CEMIP: variants seen among roughly 807,000 people sequenced by gnomAD.
The protein encoded by CEMIP is cell migration inducing hyaluronidase 1.
A neutral mutation model predicts 156.9 loss-of-function variants in CEMIP; 105 were observed. The observed-to-expected ratio is 0.67, with a 90% CI of 0.57 to 0.79. CEMIP has a LOEUF of 0.79. Ranked by LOEUF, CEMIP falls within the 30% of genes least tolerant of loss-of-function variation. The pLI is 0.00. For missense variants in CEMIP, 1,457 were observed against 1,769.4 expected, an observed-to-expected ratio of 0.82 and a Z score of 3.17; for synonymous variants, 676 against 668.4, an observed-to-expected ratio of 1.01 and a Z score of -0.17.
At chr15:80,834,964 AAG>A (rs1897238927) in intron 1 of CEMIP, among the ~76,000 whole-genome samples, 1 of 152,238 alleles carries the variant, frequency 6.6e-6, no homozygotes, top group South Asian at 2.1e-4. Context: ...CTTTAAAAAA[AAG>A]AGCATGTGGC....
chr15:80,873,095 CACTTCT>C (rs1004686668), intron 1 of CEMIP, among the ~76,000 whole-genome samples: 7 of 152,206 alleles, frequency 4.6e-5, no homozygotes, highest in Non-Finnish European at 1.0e-4. Context: ...TCAAACACTA[CACTTCT>C]GCTATATTGG....
rs145165361 is a variant in CEMIP at position 80,861,386 on chromosome 15, G to T, written c.-175-12152G>T. ...CAGACTCCTTAACTTTGCACTGAAG[G>T]TGCTTCATGAATGAACCCTGCACTA... On this transcript the variant is annotated intron_variant, in intron 1 of 29. Transcript: ENST00000394685. Among the ~76,000 whole-genome samples the T allele has an allele frequency of 3.3e-4, 50 of 152,280 alleles. No homozygotes were observed. In the South Asian group the frequency reaches 5.6e-3, roughly 17 times the overall value.
At chr15:80,807,511 C>T (rs1390651227) in intron 1 of CEMIP, among the ~76,000 whole-genome samples, 1 of 152,176 alleles carries the variant, frequency 6.6e-6, no homozygotes, top group Non-Finnish European at 1.5e-5. Flanking sequence ...AGACATGAGC[C>T]ACCACACCTG....
chr15:80,892,773 T>C (rs1403268568), intron 10 of CEMIP, among the ~76,000 whole-genome samples: 1 of 152,260 alleles, frequency 6.6e-6, no homozygotes, highest in African/African-American at 2.4e-5. Flanking sequence ...TGTTACTTAG[T>C]GTCTCGTTTC....
chr15:80,829,965 G>GGGGTGTGTGT (rs1555428874), intron 1 of CEMIP, among the ~76,000 whole-genome samples: 1 of 133,710 alleles, frequency 7.5e-6, no homozygotes. Flanking sequence ...GGAGGTAGCG[G>GGGGTGTGTGT]GTGTGTGTGT....
chr15:80,842,154 T>C, intron 1 of CEMIP: 1 of 497,280 alleles, frequency 2.0e-6, no homozygotes, highest in Non-Finnish European at 4.0e-6. Context: ...GTACCATTTG[T>C]ACGTGTATTA....
chr15:80,934,097 G>A (rs1275678712), intron 23 of CEMIP, among the ~76,000 whole-genome samples: 4 of 152,094 alleles, frequency 2.6e-5, no homozygotes, highest in East Asian at 1.9e-4. Flanking sequence ...CAAGGGAAGT[G>A]TAGTCCTACT....
chr15:80,854,489 C>G (rs191488675), intron 1 of CEMIP, among the ~76,000 whole-genome samples: 1 of 152,356 alleles, frequency 6.6e-6, no homozygotes, highest in African/African-American at 2.4e-5. Context: ...GCCTGGTGTC[C>G]TGACTTCTCA....
chr15:80,854,263 G>A (rs1897787693), intron 1 of CEMIP, among the ~76,000 whole-genome samples: 1 of 152,276 alleles, frequency 6.6e-6, no homozygotes, highest in Non-Finnish European at 1.5e-5. Context: ...CCAGCATCCT[G>A]GGCCACAGCT....
chr15:80,893,983 C>T (rs993266505), intron 10 of CEMIP, among the ~76,000 whole-genome samples: 1 of 152,178 alleles, frequency 6.6e-6, no homozygotes, highest in African/African-American at 2.4e-5. Context: ...TGCAGACACA[C>T]CCTGGCTCTG....
intron 1 of CEMIP, among the ~76,000 whole-genome samples, chr15:80,822,945 C>T (rs1336683538): frequency 3.9e-5 from 6 of 152,264 alleles, no homozygotes; most frequent in African/African-American, 1.4e-4. Flanking sequence ...GAAGTGAGAA[C>T]ATGGGGCTGG....
chr15:80,872,157 A>G lies in CEMIP; in HGVS notation c.-175-1381A>G, dbSNP rs539966740. Among the ~76,000 whole-genome samples the G allele has an allele frequency of 9.5e-4, 144 of 152,318 alleles. 1 individual carries two copies. The highest frequency in any genetic ancestry group is 1.8e-3 in the Non-Finnish European group (121 of 68,028). On this transcript the variant is annotated intron_variant, in intron 1 of 29. Transcript: ENST00000394685. ...GAACCGAAAGGTCAGGGGTGACCAGACTTTTCGCTAAGCTGGTTCAAAGGG... is the reference window on the plus strand; with the variant it reads ...GAACCGAAAGGTCAGGGGTGACCAGGCTTTTCGCTAAGCTGGTTCAAAGGG...
rs112137748 is a variant in CEMIP at position 80,948,644 on chromosome 15, T to C, written c.3959-153T>C. The C allele has an allele frequency of 6.5e-5, 66 of 1,015,144 alleles. No homozygotes were observed. In the Middle Eastern group the frequency reaches 2.0e-3, roughly 30 times the overall value. The allele number at this position is 1,015,144 out of a possible 1,614,324, so 62.9% of individuals were successfully genotyped here. ...ACACATGTCAGGCACCATCAGTAGC[T>C]GAGCACAGAGCTCTTCCCAAGGGGC... On this transcript the variant is annotated intron_variant, in intron 29 of 29. Transcript: ENST00000394685.
At chr15:80,840,781 A>G (rs1201046914) in intron 1 of CEMIP, among the ~76,000 whole-genome samples, 1 of 152,194 alleles carries the variant, frequency 6.6e-6, no homozygotes, top group Non-Finnish European at 1.5e-5. Flanking sequence ...TAGGGGGTCC[A>G]GGACAGGAAG....
rs201049604 is a variant in CEMIP, at chr15:80,888,725, G to A, written c.893G>A (p.Arg298Gln). ...GGACATCGAGGCTCTGCTGCTGCCC[G>A]GGTATTCAAATTGTTCCAGACAGAG... ...YHGHRGSAAA[R>Q]VFKLFQTEHG... The change falls in exon 9 of 30, where the codon CGG becomes CAG. Residue 298 changes from arginine to glutamine, a missense_variant. Arg to Gln is a conservative substitution (Grantham distance 43, BLOSUM62 1). Around this residue, in one of 5 missense-constraint regions of CEMIP, gnomAD observed 17 missense variants for 43.7 expected, o/e 0.39. Transcript: ENST00000394685. The A allele has an allele frequency of 1.4e-5, 23 of 1,614,090 alleles. No individual in the cohort carries two copies. Among genetic ancestry groups the A allele is most frequent in the African/African-American group, 4.0e-5 (3 of 75,024 alleles).
At chr15:80,824,137 G>A (rs981737922) in intron 1 of CEMIP, among the ~76,000 whole-genome samples, 3 of 152,200 alleles carry the variant, frequency 2.0e-5, no homozygotes, top group South Asian at 2.1e-4. Flanking sequence ...GAGAAAGACC[G>A]TGAAGGCACA....
intron 10 of CEMIP, among the ~76,000 whole-genome samples, chr15:80,890,459 G>A (rs1255170387): frequency 6.6e-6 from 1 of 151,490 alleles, no homozygotes; most frequent in Non-Finnish European, 1.5e-5. Flanking sequence ...GTGTGGTGGC[G>A]GGTGCCTGTA....
intron 1 of CEMIP, among the ~76,000 whole-genome samples, chr15:80,803,864 C>A (rs1366429926): frequency 1.3e-5 from 2 of 152,206 alleles, no homozygotes; most frequent in Non-Finnish European, 2.9e-5. Flanking sequence ...GAATATAAAT[C>A]AGATGGACCC....
intron 1 of CEMIP, among the ~76,000 whole-genome samples, chr15:80,841,078 T>G (rs1397856059): frequency 6.6e-6 from 1 of 152,190 alleles, no homozygotes; most frequent in Non-Finnish European, 1.5e-5. Flanking sequence ...AGGGGTAGGC[T>G]GTGCCCCAGC....
Sources: allele counts gnomAD v4.1 joint callset (sites outside exome capture counted in the v4.1 genomes callset), GRCh38; gene constraint gnomAD v4.1.1; regional missense constraint gnomAD v4.1.1; transcripts MANE v1.5; gene names NCBI Gene and HGNC (gene_info 2026-07-23, HGNC 2026-07-21).